The following PHC3 variants were observed in gnomAD, a reference collection of about 807,000 sequenced individuals.
PHC3 encodes the protein polyhomeotic homolog 3, also known as polyhomeotic-like protein 3.
In PHC3, 13 loss-of-function variants were observed where a neutral mutation model predicts 107.4. That is an observed-to-expected ratio of 0.12 (90% CI 0.08 to 0.19). PHC3 has a LOEUF of 0.19. Among genes scored for constraint, PHC3 ranks in the 10% least tolerant of loss-of-function variants. The probability of loss-of-function intolerance (pLI) is 1.00; values close to 1 mark genes in which losing one functional copy is unlikely to be tolerated. For missense variants in PHC3, 992 were observed against 1,210.9 expected, an observed-to-expected ratio of 0.82 and a Z score of 2.68; for synonymous variants, 456 against 427.4, an observed-to-expected ratio of 1.07 and a Z score of -0.83.
chr3:170,137,428 G>A (rs1723280872), intron 6 of PHC3, among the ~76,000 whole-genome samples: 1 of 152,082 alleles, frequency 6.6e-6, no homozygotes, highest in Non-Finnish European at 1.5e-5. Flanking sequence ...ATGCAAGACA[G>A]AAAAATGCTG....
At chr3:170,130,040 A>G (rs1721996744) in intron 7 of PHC3, among the ~76,000 whole-genome samples, 3 of 152,238 alleles carry the variant, frequency 2.0e-5, no homozygotes, top group South Asian at 4.1e-4. Context: ...ACTAGAAAAT[A>G]TCATAAAATA....
intron 4 of PHC3, among the ~76,000 whole-genome samples, chr3:170,155,869 GTATATATA>G (rs1376861941): frequency 6.6e-6 from 1 of 152,080 alleles, no homozygotes; most frequent in Non-Finnish European, 1.5e-5. Flanking sequence ...TGTTAAAGGT[GTATATATA>G]TAATGCCTTC....
chr3:170,180,819 A>G (rs1025934504), intron 1 of PHC3, among the ~76,000 whole-genome samples: 6 of 152,172 alleles, frequency 3.9e-5, no homozygotes, highest in African/African-American at 1.4e-4. Flanking sequence ...CTAACCAAAA[A>G]TGGTCACAGA....
intron 11 of PHC3, among the ~76,000 whole-genome samples, chr3:170,111,317 G>GGAAC (rs1252000410): frequency 0.015 from 1,627 of 107,408 alleles, 28 homozygotes; most frequent in Middle Eastern, 0.038. Flanking sequence ...AAGGAAGGAA[G>GGAAC]GAACGAACGA....
At chr3:170,117,615 A>G in intron 9 of PHC3, 139 bp from the exon 10 acceptor site, 1 of 812,004 alleles carries the variant, frequency 1.2e-6, no homozygotes, top group Non-Finnish European at 1.9e-6. Flanking sequence ...TTAAGACCTC[A>G]TTTAATCTGT....
Position 170,112,395 on chromosome 3 carries a change from A to AT in PHC3, c.2353+964dup, listed in dbSNP as rs200172583. Among the ~76,000 whole-genome samples the AT allele has an allele frequency of 2.2e-3, 114 of 52,266 alleles. 1 individual carries two copies. Among genetic ancestry groups the AT allele is most frequent in the African/African-American group, 7.1e-3 (97 of 13,724 alleles). 34.3% of individuals were successfully genotyped at this position (52,266 alleles called of 152,430 possible). A position where few individuals can be genotyped will look rare whatever the true frequency, so the allele number is the denominator to read the frequency against. ...CCAGCTAATTTATATATATATATAT[A>AT]TTTTTTTTTAGTAGAGATGGGGTTT... On this transcript the variant is annotated intron_variant, in intron 11 of 14. Coordinates refer to ENST00000495893, the MANE Select transcript of PHC3 (RefSeq NM_024947.4).
rs1337469582 is a variant in PHC3, at chr3:170,102,689, C to T, written c.2623G>A (p.Ala875Thr). 6.2e-7 allele frequency: 1 copy of T among 1,613,936 alleles called. No individual in the cohort carries two copies. Among genetic ancestry groups the T allele is most frequent in the African/African-American group, 1.3e-5 (1 of 75,044 alleles). ...TCATGAGAAGCCAAGTCTTCTTCTGCAGATGGATAAGTAATTGGAAGCTGG... is the reference window on the plus strand; with the variant it reads ...TCATGAGAAGCCAAGTCTTCTTCTGTAGATGGATAAGTAATTGGAAGCTGG... ...LRQLPITYPS[A>T]EEDLASHEDS... Residue 875 changes from alanine (A) to threonine (T), a missense_variant, in exon 14 of 15, where the codon GCA becomes ACA. This residue lies in a region of PHC3 where 228 missense variants were observed against 288.8 expected (regional missense o/e 0.79). Transcript: ENST00000495893.
chr3:170,128,999 C>T lies in PHC3; in HGVS notation c.1473G>A (p.Gln491=). 2 of 1,613,820 alleles carry T rather than the reference C, an allele frequency of 1.2e-6. No individual in the cohort carries two copies. Among genetic ancestry groups the T allele is most frequent in the Non-Finnish European group, 1.7e-6 (2 of 1,179,810 alleles). Residue 491 remains glutamine, a synonymous_variant, in exon 8 of 15, where the codon CAG becomes CAA. Transcript: ENST00000495893. ...GCTGGTGTGATGGAGAGACAATCTGCTGGCCTGGGGATACCAAGGCAGACT... is the reference window on the plus strand; with the variant it reads ...GCTGGTGTGATGGAGAGACAATCTGTTGGCCTGGGGATACCAAGGCAGACT... ...VQQSALVSPG[Q]QIVSPSHQQY...
At chr3:170,117,154 A>G (rs1560043464) in intron 10 of PHC3, 72 bp downstream of exon 10, 1 of 1,560,782 alleles carries the variant, frequency 6.4e-7, no homozygotes, top group Non-Finnish European at 8.8e-7. Context: ...TTATTAGAGA[A>G]CAGTAATATG....
At chr3:170,118,871 G>A (rs1302427651) in intron 9 of PHC3, among the ~76,000 whole-genome samples, 1 of 151,492 alleles carries the variant, frequency 6.6e-6, no homozygotes, top group African/African-American at 2.4e-5. Context: ...AGACTCAAGT[G>A]ATCCTCCTGC....
intron 5 of PHC3, 80 bp downstream of exon 5, chr3:170,149,006 C>G (rs1200918230): frequency 7.3e-7 from 1 of 1,370,840 alleles, no homozygotes; most frequent in African/African-American, 1.4e-5. Flanking sequence ...TTAAAAATAC[C>G]TCTTATTGTA....
Position 170,117,326 on chromosome 3 carries a change from G to T in PHC3, c.2093C>A (p.Pro698His). The change falls in exon 10 of 15, where the codon CCC becomes CAC. Residue 698 changes from proline (P) to histidine (H), a missense_variant. By Grantham distance (77) the Pro-to-His change is moderately conservative (BLOSUM62 -2). This residue lies in a region of PHC3 where 543 missense variants were observed against 590.8 expected (regional missense o/e 0.92). Transcript: ENST00000495893. ...CTGTGGAGGTTTGTTCTCTATACTG[G>T]GAATGCTACTGTGCATAGATGTACT... Reference protein sequence around the residue: ...SNSTSMHSSIPSIENKPPQAI... With the variant: ...SNSTSMHSSIHSIENKPPQAI... The T allele has an allele frequency of 6.2e-7, 1 of 1,613,862 alleles. No individual in the cohort carries two copies. The highest frequency in any genetic ancestry group is 8.5e-7 in the Non-Finnish European group (1 of 1,179,848).
chr3:170,146,217 A>C (rs1050858670), intron 5 of PHC3, among the ~76,000 whole-genome samples: 1 of 152,144 alleles, frequency 6.6e-6, no homozygotes, highest in South Asian at 2.1e-4. Context: ...TCTACTAATA[A>C]TACAAAAATT....
chr3:170,181,711 G>A lies in PHC3; in HGVS notation c.5C>T (p.Ala2Val), dbSNP rs745339482. The A allele has an allele frequency of 6.2e-7, 1 of 1,612,820 alleles. No individual in the cohort carries two copies. Among genetic ancestry groups the A allele is most frequent in the Non-Finnish European group, 8.5e-7 (1 of 1,179,768 alleles). Residue 2 changes from alanine (A) to valine (V), a missense_variant, in exon 1 of 15, where the codon GCG (alanine) becomes GTG (valine). Physicochemically the swap from Ala to Val is moderately conservative, Grantham distance 64 (BLOSUM62 0). This residue lies in a region of PHC3 where 161 missense variants were observed against 183.7 expected (regional missense o/e 0.88). Coordinates refer to ENST00000495893, the MANE Select transcript of PHC3 (RefSeq NM_024947.4). The part of the protein sequence containing the change: M[A>V]EAEFKDHSTA... ...CCATCTAGTCACTCACTCCGCTTCC[G>A]CCATCTTCTCTCCTCCATCACTAAC...
chr3:170,107,417 T>C (rs6788549), intron 11 of PHC3, among the ~76,000 whole-genome samples: 71,050 of 151,902 alleles, frequency 0.47, 17,034 homozygotes, highest in East Asian at 0.69. Context: ...AATTGTGATA[T>C]GTCTGATTTT....
intron 2 of PHC3, among the ~76,000 whole-genome samples, chr3:170,175,438 G>A (rs559716623): frequency 6.6e-6 from 1 of 151,994 alleles, no homozygotes; most frequent in African/African-American, 2.4e-5. Context: ...AGAAGGTCAA[G>A]ACTAGCCTGG....
At chr3:170,102,757 A>G (rs759705017) in intron 13 of PHC3, 45 bp downstream of exon 13, 11 of 1,613,256 alleles carry the variant, frequency 6.8e-6, no homozygotes, top group Non-Finnish European at 7.6e-6. Context: ...CTTTCCTTGC[A>G]TTTCTGAAAA....
rs368019506 is a variant in PHC3, at chr3:170,146,401, G to A, written c.574-880C>T. Among the ~76,000 whole-genome samples the A allele has an allele frequency of 1.1e-3, 164 of 150,280 alleles. 1 individual carries two copies. Among genetic ancestry groups the A allele is most frequent in the African/African-American group, 3.6e-3 (147 of 41,068 alleles). ...AAAAAAAAAAAAGAAAAGAAAGAAAGATTCATTCTAAAAGTAAATGCCACA... is the reference window on the plus strand; with the variant it reads ...AAAAAAAAAAAAGAAAAGAAAGAAAAATTCATTCTAAAAGTAAATGCCACA... On this transcript the variant is annotated intron_variant, in intron 5 of 14. Coordinates refer to ENST00000495893, the MANE Select transcript of PHC3 (RefSeq NM_024947.4).
intron 4 of PHC3, among the ~76,000 whole-genome samples, chr3:170,162,860 G>A (rs1055478754): frequency 2.6e-5 from 4 of 152,196 alleles, no homozygotes; most frequent in Admixed American, 1.3e-4. Context: ...CAGCCACACT[G>A]TCCTCCTTTC....
Sources: allele counts gnomAD v4.1 joint callset (sites outside exome capture counted in the v4.1 genomes callset), GRCh38; gene constraint gnomAD v4.1.1; regional missense constraint gnomAD v4.1.1; transcripts MANE v1.5; gene names NCBI Gene and HGNC (gene_info 2026-07-23, HGNC 2026-07-21).